Variants in PSMF1 observed in about 807,000 individuals in gnomAD.
The protein encoded by PSMF1 is proteasome inhibitor PI31 subunit.
Under a neutral mutation model 29.3 loss-of-function variants are expected in PSMF1, and 30 were observed. That is an observed-to-expected ratio of 1.02 (90% confidence interval 0.77 to 1.39). The LOEUF (loss-of-function observed/expected upper bound fraction) is 1.39. Ranked by LOEUF, PSMF1 falls within the 40% of genes most tolerant of loss-of-function variation. PSMF1 has a pLI of 0.00. For synonymous variants in PSMF1, 134 were observed against 139.7 expected (o/e 0.96, Z 0.29); for missense variants, 344 against 357.5 (o/e 0.96, Z 0.31).
chr20:1,114,539 G>A (rs113025763), upstream of PSMF1, among the ~76,000 whole-genome samples: 1 of 143,536 alleles, frequency 7.0e-6, no homozygotes, highest in Admixed American at 7.0e-5. Context: ...TGTCTGCCCT[G>A]TAAGATGCCA....
chr20:1,120,573 C>T (rs1223800971), intron 1 of PSMF1, among the ~76,000 whole-genome samples: 2 of 152,180 alleles, frequency 1.3e-5, no homozygotes, highest in African/African-American at 4.8e-5. Context: ...CTTACTCCAG[C>T]TTTTTAATCT....
intron 4 of PSMF1, among the ~76,000 whole-genome samples, chr20:1,158,818 A>T (rs1468807671): frequency 6.6e-6 from 1 of 152,194 alleles, no homozygotes; most frequent in East Asian, 1.9e-4. Context: ...CATTTAGCAC[A>T]TGCAAGACTG....
chr20:1,139,744 CAAA>C (rs34942443), intron 4 of PSMF1, among the ~76,000 whole-genome samples: 1 of 34,230 alleles, frequency 2.9e-5, no homozygotes, highest in Non-Finnish European at 6.8e-5. Context: ...GACTCCATCT[CAAA>C]AAAAAAAAAA....
chr20:1,149,691 G>A (rs982981696), intron 4 of PSMF1, among the ~76,000 whole-genome samples: 16 of 152,248 alleles, frequency 1.1e-4, no homozygotes, highest in African/African-American at 3.9e-4. Flanking sequence ...TTGAACAACT[G>A]CACAAGTACT....
chr20:1,131,387 G>A (rs2086227103), intron 3 of PSMF1, among the ~76,000 whole-genome samples: 1 of 152,196 alleles, frequency 6.6e-6, no homozygotes, highest in South Asian at 2.1e-4. Context: ...TTTGATTACT[G>A]TGAAATGAGG....
intron 2 of PSMF1, chr20:1,126,027 C>T (rs1423011611): frequency 8.8e-6 from 4 of 454,112 alleles, no homozygotes; most frequent in East Asian, 6.9e-5. Context: ...CTGGAAGGCT[C>T]TTCCCCTCCC....
At chr20:1,122,782 A>G (rs1600139792) in intron 1 of PSMF1, among the ~76,000 whole-genome samples, 1 of 152,194 alleles carries the variant, frequency 6.6e-6, no homozygotes, top group Admixed American at 6.5e-5. Flanking sequence ...CATCAATTGC[A>G]CTGCAGTTAG....
At chr20:1,160,194 C>T (rs1370973412) in intron 4 of PSMF1, among the ~76,000 whole-genome samples, 1 of 152,076 alleles carries the variant, frequency 6.6e-6, no homozygotes, top group Non-Finnish European at 1.5e-5. Context: ...ATACCACCAC[C>T]ACTACCCTGC....
intron 4 of PSMF1, among the ~76,000 whole-genome samples, chr20:1,153,878 A>G (rs2086562185): frequency 6.6e-6 from 1 of 152,200 alleles, no homozygotes; most frequent in Admixed American, 6.5e-5. Flanking sequence ...CCCATCATAT[A>G]GTAGTGGAGT....
intron 4 of PSMF1, among the ~76,000 whole-genome samples, chr20:1,141,374 G>T (rs1398390807): frequency 6.6e-6 from 1 of 152,202 alleles, no homozygotes; most frequent in Non-Finnish European, 1.5e-5. Flanking sequence ...AAAAGTCCTA[G>T]ACTTGGGTTA....
At chr20:1,147,166 A>G (rs1380064157) in intron 4 of PSMF1, among the ~76,000 whole-genome samples, 20 of 116,476 alleles carry the variant, frequency 1.7e-4, no homozygotes, top group African/African-American at 7.0e-4. Context: ...CATCATCATC[A>G]TCATCATCAT....
intron 2 of PSMF1, among the ~76,000 whole-genome samples, chr20:1,126,355 T>C (rs2086156088): frequency 6.6e-6 from 1 of 152,250 alleles, no homozygotes; most frequent in African/African-American, 2.4e-5. Flanking sequence ...TGTATTATAC[T>C]GCACTTTGCT....
At chr20:1,159,323 G>T (rs1309532885) in intron 4 of PSMF1, among the ~76,000 whole-genome samples, 1 of 151,924 alleles carries the variant, frequency 6.6e-6, no homozygotes, top group Non-Finnish European at 1.5e-5. Flanking sequence ...TTACAGGCAT[G>T]AACTACTGCA....
intron 3 of PSMF1, among the ~76,000 whole-genome samples, chr20:1,128,919 AG>A (rs2086194597): frequency 6.6e-6 from 1 of 151,956 alleles, no homozygotes; most frequent in Non-Finnish European, 1.5e-5. Flanking sequence ...TCTGTCACCC[AG>A]GCTGGAGTGC....
chr20:1,144,618 A>G (rs938299995), intron 4 of PSMF1, among the ~76,000 whole-genome samples: 4 of 152,258 alleles, frequency 2.6e-5, no homozygotes, highest in Non-Finnish European at 5.9e-5. Flanking sequence ...GAATTGTTGA[A>G]ACACAGCAAT....
At position 1,166,899 on chromosome 20, in the gene PSMF1, CAGAT is replaced by C. The variant is rs2086736715; in HGVS notation, c.*1823_*1826del. 1 of 152,196 alleles carries C rather than the reference CAGAT, an allele frequency of 6.6e-6. No homozygotes were observed. Among genetic ancestry groups the C allele is most frequent in the Non-Finnish European group, 1.5e-5 (1 of 68,062 alleles). 9.4% of individuals were successfully genotyped at this position (152,196 alleles called of 1,614,324 possible). On this transcript the variant is annotated 3_prime_UTR_variant, in exon 7 of 7. Coordinates refer to ENST00000335877, the MANE Select transcript of PSMF1 (RefSeq NM_006814.5). ...GTATTTAAAGGATGATAGAGACCAT[CAGAT>C]AGAAGCAGGGAAGGTAGATAACTTT...
At chr20:1,153,524 A>T (rs568225129) in intron 4 of PSMF1, among the ~76,000 whole-genome samples, 2 of 152,182 alleles carry the variant, frequency 1.3e-5, no homozygotes, top group African/African-American at 4.8e-5. Flanking sequence ...GCCCACCGAG[A>T]TAATGTCCCC....
chr20:1,168,633 G>T lies in PSMF1; in HGVS notation c.*3553G>T, dbSNP rs567032524. Among the ~76,000 whole-genome samples the T allele has an allele frequency of 6.6e-6, 1 of 152,182 alleles. No individual in the cohort carries two copies. Among genetic ancestry groups the T allele is most frequent in the Non-Finnish European group, 1.5e-5 (1 of 68,032 alleles). On this transcript the variant is annotated 3_prime_UTR_variant, in exon 7 of 7. Transcript: ENST00000335877. ...GGTGTTCCTGTGCTGGATGGTCAGT[G>T]GTTGTTGACATGTAGTTAGAAAATA...
chr20:1,144,505 C>G (rs945237837), intron 4 of PSMF1, among the ~76,000 whole-genome samples: 3 of 152,094 alleles, frequency 2.0e-5, no homozygotes, highest in African/African-American at 7.2e-5. Flanking sequence ...TTTGTAATAG[C>G]CAAAAGCTGG....
Sources: allele counts gnomAD v4.1 joint callset (sites outside exome capture counted in the v4.1 genomes callset), GRCh38; gene constraint gnomAD v4.1.1; transcripts MANE v1.5; gene names NCBI Gene and HGNC (gene_info 2026-07-23, HGNC 2026-07-21).